Variants in THRAP3 observed in about 807,000 individuals in gnomAD.
THRAP3 encodes thyroid hormone receptor associated protein 3.
Under a neutral mutation model 101.0 loss-of-function variants are expected in THRAP3, and 16 were observed. The ratio of observed to expected loss-of-function variants is 0.16; its 90% CI spans 0.11 to 0.24. THRAP3 has a LOEUF of 0.24. THRAP3 is among the 10% of genes least tolerant of loss of function. The pLI is 1.00. For synonymous variants in THRAP3, 407 were observed against 422.6 expected (o/e 0.96, Z 0.45); for missense variants, 989 against 1,202.7 (o/e 0.82, Z 2.63).
At chr1:36,260,093 T>A (rs1335503393) in intron 2 of THRAP3, among the ~76,000 whole-genome samples, 2 of 151,470 alleles carry the variant, frequency 1.3e-5, no homozygotes, top group East Asian at 3.9e-4. Flanking sequence ...AATACAAAAA[T>A]TAGCCAGGCA....
intron 1 of THRAP3, among the ~76,000 whole-genome samples, chr1:36,228,544 G>A (rs1263522568): frequency 6.6e-6 from 1 of 152,100 alleles, no homozygotes; most frequent in African/African-American, 2.4e-5. Context: ...TAGTAGAGAC[G>A]GGGTTTTGCC....
chr1:36,249,086 C>T (rs540097868), intron 1 of THRAP3, among the ~76,000 whole-genome samples: 1 of 151,742 alleles, frequency 6.6e-6, no homozygotes, highest in East Asian at 1.9e-4. Context: ...TGGGGTTTCA[C>T]CATGTTAGCC....
intron 1 of THRAP3, among the ~76,000 whole-genome samples, chr1:36,252,528 C>G (rs995394540): frequency 1.3e-5 from 2 of 152,150 alleles, no homozygotes; most frequent in Non-Finnish European, 2.9e-5. Flanking sequence ...TTAGGCTTTG[C>G]TGGCCAAGAG....
chr1:36,290,201 T>C (rs557128708), intron 5 of THRAP3, among the ~76,000 whole-genome samples: 101 of 152,172 alleles, frequency 6.6e-4, no homozygotes, highest in Non-Finnish European at 1.1e-3. Flanking sequence ...CTCTCTCTCT[T>C]CTTTTTTTTT....
upstream of THRAP3, among the ~76,000 whole-genome samples, chr1:36,220,970 A>T (rs867776363): frequency 7.9e-3 from 1,009 of 127,908 alleles, 9 homozygotes; most frequent in African/African-American, 0.024. Context: ...AAAAAAAAAA[A>T]AAATATATAT....
intron 1 of THRAP3, among the ~76,000 whole-genome samples, chr1:36,248,471 A>G (rs1283100170): frequency 1.5e-5 from 2 of 134,642 alleles, no homozygotes; most frequent in East Asian, 2.1e-4. Flanking sequence ...TTTTTGTGAG[A>G]CAGTTTTGCT....
At chr1:36,273,654 T>C (rs1645618131) in intron 2 of THRAP3, among the ~76,000 whole-genome samples, 1 of 152,194 alleles carries the variant, frequency 6.6e-6, no homozygotes, top group Non-Finnish European at 1.5e-5. Flanking sequence ...TTTTTGCAGA[T>C]GGTGTAATCT....
intron 3 of THRAP3, among the ~76,000 whole-genome samples, chr1:36,284,037 C>T (rs1031368082): frequency 6.6e-6 from 1 of 152,132 alleles, no homozygotes; most frequent in Non-Finnish European, 1.5e-5. Context: ...GTTTAAACCT[C>T]AGTTTTAGCT....
chr1:36,300,532 A>G (rs1646019151), intron 9 of THRAP3, among the ~76,000 whole-genome samples: 1 of 152,212 alleles, frequency 6.6e-6, no homozygotes, highest in African/African-American at 2.4e-5. Flanking sequence ...GCCCAGTACC[A>G]GATACTTTGG....
chr1:36,278,309 G>T (rs1039566674), intron 2 of THRAP3, among the ~76,000 whole-genome samples: 1 of 151,992 alleles, frequency 6.6e-6, no homozygotes, highest in Non-Finnish European at 1.5e-5. Flanking sequence ...CAGGTGATGT[G>T]CCTGCCTCGG....
chr1:36,211,415 GTAGTCCCAGC>G, the THRAP3 span, among the ~76,000 whole-genome samples: 3 of 151,878 alleles, frequency 2.0e-5, no homozygotes, highest in Non-Finnish European at 2.9e-5. Context: ...GTGCATGCCT[GTAGTCCCAGC>G]TACTTGGGAG....
chr1:36,301,595 T>C lies in THRAP3; in HGVS notation c.2545T>C (p.Ser849Pro). The change falls in exon 11 of 12, where the codon TCT (serine) becomes CCT (proline). Residue 849 changes from serine to proline, a missense_variant. By Grantham distance (74) the Ser-to-Pro change is moderately conservative (BLOSUM62 -1). Coordinates refer to ENST00000354618, the MANE Select transcript of THRAP3 (RefSeq NM_005119.4). The part of the protein sequence containing the change: ...RGRGWGRGNY[S>P]GNNNNNSNND... ...AAGAGGCTGGGGCAGAGGCAACTAC[T>C]CTGGGAACAATAACAACAACAGCAA... The C allele has an allele frequency of 6.2e-7, 1 of 1,614,120 alleles. No homozygotes were observed. Among genetic ancestry groups the C allele is most frequent in the Non-Finnish European group, 8.5e-7 (1 of 1,180,012 alleles).
At chr1:36,288,340 T>G (rs1645822846) in intron 4 of THRAP3, 1 of 958,140 alleles carries the variant, frequency 1.0e-6, no homozygotes, top group African/African-American at 1.8e-5. Context: ...CAAAGTTCAT[T>G]ATGTCATTCT....
upstream of THRAP3, among the ~76,000 whole-genome samples, chr1:36,221,677 G>A (rs1163349675): frequency 6.6e-6 from 1 of 152,200 alleles, no homozygotes; most frequent in Admixed American, 6.6e-5. Flanking sequence ...TCCGCCTCTT[G>A]GGTTCAAGCG....
At chr1:36,217,467 G>A in the THRAP3 span, among the ~76,000 whole-genome samples, 11 of 152,192 alleles carry the variant, frequency 7.2e-5, no homozygotes, top group African/African-American at 2.2e-4. Context: ...AAGGGGCAGC[G>A]GTTGGTAGAA....
Position 36,287,181 on chromosome 1 carries a change from G to T in THRAP3, c.951G>T (p.Val317=). The change falls in exon 4 of 12, where the codon GTG becomes GTT. Residue 317 remains valine, a synonymous_variant. Transcript: ENST00000354618. ...GSLSPSKKSP[V]GKSPPSTGST... is the part of the protein sequence containing the mutation. ...TGAGTCCATCCAAAAAGAGCCCTGT[G>T]GGTAAGAGTCCACCATCCACTGGCT... is the stretch of plus-strand genomic sequence containing the variant. 6.2e-7 allele frequency: 1 copy of T among 1,614,172 alleles called. No homozygotes were observed.
At chr1:36,237,192 G>T (rs1645100412) in intron 1 of THRAP3, among the ~76,000 whole-genome samples, 1 of 152,080 alleles carries the variant, frequency 6.6e-6, no homozygotes, top group African/African-American at 2.4e-5. Flanking sequence ...TAGGGGCCGG[G>T]CATGGTGGCT....
intron 1 of THRAP3, among the ~76,000 whole-genome samples, chr1:36,227,445 G>A (rs1427835732): frequency 1.3e-5 from 2 of 151,924 alleles, no homozygotes; most frequent in Non-Finnish European, 2.9e-5. Flanking sequence ...ACCACGCCTG[G>A]CTAATTTTGT....
At chr1:36,275,030 T>C (rs1159918514) in intron 2 of THRAP3, among the ~76,000 whole-genome samples, 20 of 149,372 alleles carry the variant, frequency 1.3e-4, no homozygotes, top group African/African-American at 4.9e-4. Context: ...TCCCAGCACT[T>C]TGGGAGGCTG....
Sources: gnomAD v4.1 joint callset for allele counts (sites outside exome capture counted in the v4.1 genomes callset) on GRCh38, gnomAD v4.1.1 for gene constraint, MANE v1.5 for transcripts, NCBI Gene and HGNC (gene_info 2026-07-23, HGNC 2026-07-21) for gene names.